DYNC1LI1: variants seen among roughly 807,000 people sequenced by gnomAD.
The protein encoded by DYNC1LI1 is dynein cytoplasmic 1 light intermediate chain 1, also known as cytoplasmic dynein 1 light intermediate chain 1.
Under a neutral mutation model 63.8 loss-of-function variants are expected in DYNC1LI1, and 19 were observed. The ratio of observed to expected loss-of-function variants is 0.30; its 90% CI spans 0.21 to 0.44. The LOEUF is 0.44. Among genes scored for constraint, DYNC1LI1 ranks in the 20% least tolerant of loss-of-function variants. The pLI is 1.00. For synonymous variants in DYNC1LI1, 225 were observed against 232.3 expected, an observed-to-expected ratio of 0.97 and a Z score of 0.28; for missense variants, 565 against 630.2, an observed-to-expected ratio of 0.90 and a Z score of 1.11.
At chr3:32,542,173 C>T (rs1471079215) in intron 4 of DYNC1LI1, among the ~76,000 whole-genome samples, 14 of 152,210 alleles carry the variant, frequency 9.2e-5, no homozygotes, top group East Asian at 5.8e-4. Flanking sequence ...TGGAGTGCAG[C>T]GGTGCAATCA....
chr3:32,567,439 G>A (rs954744063), intron 2 of DYNC1LI1, among the ~76,000 whole-genome samples: 2 of 152,116 alleles, frequency 1.3e-5, no homozygotes, highest in Non-Finnish European at 2.9e-5. Flanking sequence ...GTGTTGTGAG[G>A]GGAGTACTTA....
Position 32,570,403 on chromosome 3 carries a change from C to T in DYNC1LI1, c.163G>A (p.Glu55Lys). ...GQNLWSCILS[E>K]VSTRSRSKLP... ...TTGGAGCGCGAGCGGGTGGAGACCTCGCTGAGGATGCAGGACCTAACGGGA... is the reference window on the plus strand; with the variant it reads ...TTGGAGCGCGAGCGGGTGGAGACCTTGCTGAGGATGCAGGACCTAACGGGA... The change falls in exon 2 of 13, where the codon GAG (glutamate) becomes AAG (lysine). Residue 55 changes from glutamate to lysine, a missense_variant. Glu to Lys is a moderately conservative substitution (Grantham distance 56). Coordinates refer to ENST00000273130, the MANE Select transcript of DYNC1LI1 (RefSeq NM_016141.4). 1.2e-6 allele frequency: 2 copies of T among 1,604,890 alleles called. No individual in the cohort carries two copies. The highest frequency in any genetic ancestry group is 1.7e-5 in the Admixed American group (1 of 59,178).
At chr3:32,556,596 G>A (rs934153891) in intron 2 of DYNC1LI1, among the ~76,000 whole-genome samples, 2 of 152,044 alleles carry the variant, frequency 1.3e-5, no homozygotes, top group African/African-American at 4.8e-5. Context: ...CCCAAGCTGG[G>A]GTACAGTGCA....
At chr3:32,554,685 C>T (rs1399025681) in intron 2 of DYNC1LI1, among the ~76,000 whole-genome samples, 3 of 152,036 alleles carry the variant, frequency 2.0e-5, no homozygotes, top group African/African-American at 7.3e-5. Flanking sequence ...AAAACTTATT[C>T]CCAAGAATAT....
At chr3:32,563,990 T>A (rs577002436) in intron 2 of DYNC1LI1, among the ~76,000 whole-genome samples, 1 of 152,212 alleles carries the variant, frequency 6.6e-6, no homozygotes, top group Non-Finnish European at 1.5e-5. Flanking sequence ...TGCTTACTGA[T>A]AAAACTGACG....
intron 2 of DYNC1LI1, chr3:32,566,844 T>C: frequency 3.1e-6 from 1 of 325,912 alleles, no homozygotes; most frequent in Non-Finnish European, 6.0e-6. Context: ...AAAAACAATT[T>C]AGAGGTTAGA....
Position 32,530,523 on chromosome 3 carries a change from GA to G in DYNC1LI1, c.1081-4del. Reference sequence around the variant, plus strand: ...ATAATTTCCTTCTCATGTACAAACTGAAATGAGCAATGCACAAATGAGCAAA... The same window carrying G: ...ATAATTTCCTTCTCATGTACAAACTGAATGAGCAATGCACAAATGAGCAAA... On this transcript the variant is annotated splice_region_variant and splice_polypyrimidine_tract_variant and intron_variant, in intron 8 of 12. Transcript: ENST00000273130. 1 of 1,611,838 alleles carries G rather than the reference GA, an allele frequency of 6.2e-7. No homozygotes were observed. The highest frequency in any genetic ancestry group is 8.5e-7 in the Non-Finnish European group (1 of 1,178,938).
At chr3:32,539,690 C>T (rs1697852009) in intron 5 of DYNC1LI1, among the ~76,000 whole-genome samples, 1 of 151,510 alleles carries the variant, frequency 6.6e-6, no homozygotes, top group Non-Finnish European at 1.5e-5. Context: ...CGCCCGCCAC[C>T]ATGCCTGGCT....
At chr3:32,553,307 G>A (rs961233952) in intron 2 of DYNC1LI1, among the ~76,000 whole-genome samples, 2 of 152,092 alleles carry the variant, frequency 1.3e-5, no homozygotes, top group Non-Finnish European at 2.9e-5. Flanking sequence ...CTGCACTCCA[G>A]CCCGGGAAGC....
chr3:32,570,186 G>A, intron 2 of DYNC1LI1, 160 bp downstream of exon 2: 1 of 729,456 alleles, frequency 1.4e-6, no homozygotes, highest in Non-Finnish European at 2.4e-6. Flanking sequence ...AGGGTCTCGT[G>A]TTCCCCTTCT....
At chr3:32,527,357 C>T (rs749018981) in intron 12 of DYNC1LI1, among the ~76,000 whole-genome samples, 3 of 151,538 alleles carry the variant, frequency 2.0e-5, no homozygotes, top group African/African-American at 7.3e-5. Context: ...AATTGTGGAT[C>T]TGTTACCAAA....
intron 4 of DYNC1LI1, among the ~76,000 whole-genome samples, chr3:32,542,494 G>A (rs939984344): frequency 4.9e-5 from 7 of 143,214 alleles, no homozygotes; most frequent in East Asian, 2.1e-4. Flanking sequence ...TGCAACCCCC[G>A]CCTCCTGCGT....
At chr3:32,528,112 C>CAAAAAAAAAAAAAAAAAAAA (rs60912161) in intron 12 of DYNC1LI1, among the ~76,000 whole-genome samples, 3 of 29,896 alleles carry the variant, frequency 1.0e-4, no homozygotes, top group African/African-American at 8.8e-5. Flanking sequence ...GACTCCATCT[C>CAAAAAAAAAAAAAAAAAAAA]AAAAAAAAAA....
chr3:32,565,954 C>T (rs1698253654), intron 2 of DYNC1LI1, among the ~76,000 whole-genome samples: 1 of 152,106 alleles, frequency 6.6e-6, no homozygotes, highest in Non-Finnish European at 1.5e-5. Context: ...GGCTATGTAA[C>T]CCTAGGACAA....
intron 2 of DYNC1LI1, among the ~76,000 whole-genome samples, chr3:32,556,743 T>C (rs1187753265): frequency 6.6e-6 from 1 of 152,164 alleles, no homozygotes; most frequent in Non-Finnish European, 1.5e-5. Flanking sequence ...GGTCTCCCTA[T>C]GTTAACCAGG....
At chr3:32,542,594 G>T (rs1427954064) in intron 4 of DYNC1LI1, among the ~76,000 whole-genome samples, 1 of 152,066 alleles carries the variant, frequency 6.6e-6, no homozygotes, top group Non-Finnish European at 1.5e-5. Flanking sequence ...TTTTAGAAAA[G>T]ACGGGGTTTC....
chr3:32,550,345 C>T (rs896685949), intron 2 of DYNC1LI1, among the ~76,000 whole-genome samples: 2 of 152,144 alleles, frequency 1.3e-5, no homozygotes. Flanking sequence ...GCAGGAGAAT[C>T]GCTTGAACCC....
At chr3:32,569,383 A>G (rs1387501723) in intron 2 of DYNC1LI1, among the ~76,000 whole-genome samples, 1 of 152,204 alleles carries the variant, frequency 6.6e-6, no homozygotes, top group East Asian at 1.9e-4. Flanking sequence ...GTAAACATTC[A>G]TATTTAACCA....
At chr3:32,551,003 A>T (rs1025946049) in intron 2 of DYNC1LI1, among the ~76,000 whole-genome samples, 19 of 133,544 alleles carry the variant, frequency 1.4e-4, no homozygotes, top group East Asian at 2.0e-4. Context: ...ACAGCAAATT[A>T]AAAAAAAAAA....
Sources: gnomAD v4.1 joint callset for allele counts (sites outside exome capture counted in the v4.1 genomes callset) on GRCh38, gnomAD v4.1.1 for gene constraint, MANE v1.5 for transcripts, NCBI Gene and HGNC (gene_info 2026-07-23, HGNC 2026-07-21) for gene names.